The following PDE4D variants were observed in gnomAD, a reference collection of about 807,000 sequenced individuals.
PDE4D encodes 3',5'-cyclic-AMP phosphodiesterase 4D.
In PDE4D, 24 loss-of-function variants were observed where a neutral mutation model predicts 87.4. That is an observed-to-expected ratio of 0.27 (90% CI 0.20 to 0.39). The LOEUF (loss-of-function observed/expected upper bound fraction) is 0.39. Among genes scored for constraint, PDE4D ranks in the 10% least tolerant of loss-of-function variants. The pLI is 1.00. For synonymous variants in PDE4D, 384 were observed against 383.2 expected (o/e 1.00, Z -0.02); for missense variants, 714 against 1,041.0 (o/e 0.69, Z 4.32).
chr5:59,215,497 A>G, intron 2 of PDE4D: 1 of 368,724 alleles, frequency 2.7e-6, no homozygotes, highest in South Asian at 3.2e-5. Context: ...AGTTTCCATT[A>G]AAAATTTAAT....
chr5:59,750,221 G>A (rs1415598539), intron 1 of PDE4D, among the ~76,000 whole-genome samples: 1 of 151,352 alleles, frequency 6.6e-6, no homozygotes, highest in Non-Finnish European at 1.5e-5. Context: ...TTCTACACAG[G>A]AGCCGGGATG....
At chr5:60,213,706 G>A (rs952621388) in intron 1 of PDE4D, among the ~76,000 whole-genome samples, 5 of 152,062 alleles carry the variant, frequency 3.3e-5, no homozygotes, top group African/African-American at 7.2e-5. Context: ...TGGCTGCTGC[G>A]TTTCTGCTAC....
At position 59,918,313 on chromosome 5, in the gene PDE4D, T is replaced by C. The variant is rs76128584; in HGVS notation, c.272+70175A>G. Among the ~76,000 whole-genome samples the C allele has an allele frequency of 3.6e-3, 547 of 152,310 alleles. 15 individuals carry two copies. In the East Asian group the frequency reaches 0.086, roughly 24 times the overall value. The stretch of plus-strand genomic sequence containing the variant: ...AATAGTTAAATGTCATTCAAACAAT[T>C]ATTTAATGTTGACTACCTGATTATC... On this transcript the variant is annotated intron_variant, in intron 3 of 16. Transcript: ENST00000502484.
chr5:60,221,369 A>G (rs1327283840), intron 1 of PDE4D, among the ~76,000 whole-genome samples: 1 of 152,140 alleles, frequency 6.6e-6, no homozygotes, highest in Non-Finnish European at 1.5e-5. Flanking sequence ...GTGTTTACTT[A>G]TTTGAAAAAT....
chr5:59,404,157 T>A (rs1791190378), intron 1 of PDE4D, among the ~76,000 whole-genome samples: 3 of 152,222 alleles, frequency 2.0e-5, no homozygotes, highest in Admixed American at 6.5e-5. Flanking sequence ...ATTATCAGAT[T>A]TTTTTTCCTA....
rs543056480 is a variant in PDE4D, at chr5:59,875,418, G to A, written c.455+17750C>T. Among the ~76,000 whole-genome samples the A allele has an allele frequency of 2.2e-4, 27 of 123,156 alleles. No homozygotes were observed. In the East Asian group the frequency reaches 2.9e-3, roughly 13 times the overall value. The allele number at this position is 123,156 out of a possible 152,430, so 80.8% of individuals were successfully genotyped here. On this transcript the variant is annotated intron_variant, in intron 1 of 14. Coordinates refer to ENST00000340635, the MANE Select transcript of PDE4D (RefSeq NM_001104631.2). ...AGAGGTTGCAGTGAGCCGAGATTGC[G>A]CCACTGCACTCCAGCCTCGTGACCA...
chr5:59,257,262 GTGTT>G (rs1761155868), intron 1 of PDE4D, among the ~76,000 whole-genome samples: 1 of 152,028 alleles, frequency 6.6e-6, no homozygotes, highest in Non-Finnish European at 1.5e-5. Context: ...AGGCCAAACT[GTGTT>G]TGCTGTTTGA....
At chr5:60,332,372 C>T (rs1757380964) in intron 1 of PDE4D, among the ~76,000 whole-genome samples, 1 of 152,056 alleles carries the variant, frequency 6.6e-6, no homozygotes, top group South Asian at 2.1e-4. Context: ...CTATTGTTTC[C>T]ATCTTTATGT....
intron 5 of PDE4D, among the ~76,000 whole-genome samples, chr5:59,165,283 T>C (rs1360202752): frequency 2.0e-5 from 3 of 152,210 alleles, no homozygotes; most frequent in Non-Finnish European, 4.4e-5. Context: ...AAATATCTTT[T>C]TTTTTCCTAA....
chr5:60,171,750 C>A (rs1036535147), intron 2 of PDE4D, among the ~76,000 whole-genome samples: 2 of 152,000 alleles, frequency 1.3e-5, no homozygotes, highest in Non-Finnish European at 2.9e-5. Context: ...TAGGTGTCTT[C>A]TTACAAGCTA....
At chr5:59,711,273 T>C (rs1431261399) in intron 1 of PDE4D, among the ~76,000 whole-genome samples, 1 of 152,162 alleles carries the variant, frequency 6.6e-6, no homozygotes, top group Non-Finnish European at 1.5e-5. Flanking sequence ...AGACCATTAT[T>C]TTGTCCCAAG....
chr5:59,931,096 C>A (rs1705977603), intron 3 of PDE4D, among the ~76,000 whole-genome samples: 1 of 152,048 alleles, frequency 6.6e-6, no homozygotes. Context: ...ATGAATTAAA[C>A]AATGTTGGGA....
chr5:60,459,425 T>C (rs1746747564), intron 1 of PDE4D, among the ~76,000 whole-genome samples: 2 of 152,114 alleles, frequency 1.3e-5, no homozygotes, highest in South Asian at 4.1e-4. Context: ...AATAGACAGA[T>C]ACATGTTGGT....
intron 1 of PDE4D, among the ~76,000 whole-genome samples, chr5:59,551,087 C>G (rs1018497686): frequency 2.0e-5 from 3 of 151,956 alleles, no homozygotes; most frequent in African/African-American, 7.2e-5. Flanking sequence ...TTTACGTTTT[C>G]TTTATGGTGT....
At chr5:59,651,447 G>A (rs901715130) in intron 1 of PDE4D, among the ~76,000 whole-genome samples, 3 of 150,848 alleles carry the variant, frequency 2.0e-5, no homozygotes, top group South Asian at 2.1e-4. Context: ...CTTTAACACC[G>A]AGTGAAAAAA....
At chr5:59,518,092 T>A (rs1811490668) in intron 1 of PDE4D, among the ~76,000 whole-genome samples, 1 of 152,134 alleles carries the variant, frequency 6.6e-6, no homozygotes, top group African/African-American at 2.4e-5. Context: ...AGCATTCCAA[T>A]TGGATGTGCT....
At chr5:59,948,363 C>A (rs1461972322) in intron 3 of PDE4D, among the ~76,000 whole-genome samples, 2 of 152,042 alleles carry the variant, frequency 1.3e-5, no homozygotes, top group African/African-American at 2.4e-5. Context: ...ATGGAGAAAC[C>A]AAAGCATAGG....
chr5:59,334,553 C>T (rs1033726856), intron 1 of PDE4D, among the ~76,000 whole-genome samples: 6 of 151,796 alleles, frequency 4.0e-5, no homozygotes, highest in East Asian at 3.9e-4. Flanking sequence ...GCACTGTGCC[C>T]GGTTGATCTA....
intron 1 of PDE4D, among the ~76,000 whole-genome samples, chr5:59,651,025 G>A (rs1022215874): frequency 1.3e-5 from 2 of 152,002 alleles, no homozygotes; most frequent in African/African-American, 2.4e-5. Flanking sequence ...GGAGGCCGAG[G>A]TGGGCGGATC....
Sources: allele counts gnomAD v4.1 joint callset (sites outside exome capture counted in the v4.1 genomes callset), GRCh38; gene constraint gnomAD v4.1.1; transcripts MANE v1.5; gene names NCBI Gene and HGNC (gene_info 2026-07-23, HGNC 2026-07-21).